The following INO80 variants were observed in gnomAD, a reference collection of about 807,000 sequenced individuals.
The protein encoded by INO80 is chromatin-remodeling ATPase INO80.
INO80 carries 20 observed loss-of-function variants against 203.4 expected under a neutral mutation model. The ratio of observed to expected loss-of-function variants is 0.10; its 90% CI spans 0.07 to 0.14. The LOEUF is 0.14. INO80 is among the 10% of genes least tolerant of loss of function. INO80 has a pLI of 1.00. For synonymous variants in INO80, 726 were observed against 685.2 expected (o/e 1.06, Z -0.93); for missense variants, 1,419 against 1,914.4 (o/e 0.74, Z 4.83).
At chr15:41,018,851 TAA>T (rs1471080114) in intron 26 of INO80, 1 of 152,246 alleles carries the variant, frequency 6.6e-6, no homozygotes, top group African/African-American at 2.4e-5. Context: ...CTGATTCTGC[TAA>T]GTCAAACCTG....
chr15:40,985,256 G>T, intron 32 of INO80, 82 bp downstream of exon 32: 1 of 929,504 alleles, frequency 1.1e-6, no homozygotes, highest in Non-Finnish European at 1.8e-6. Context: ...TAACCAAGAT[G>T]AGAAGCCATG....
chr15:40,984,508 G>A (rs1006395356), intron 32 of INO80, among the ~76,000 whole-genome samples, 156 bp from the exon 33 acceptor site: 1 of 152,142 alleles, frequency 6.6e-6, no homozygotes, highest in Non-Finnish European at 1.5e-5. Context: ...TAAGGAAGAA[G>A]GGATAGCTTA....
rs1016110427 is a variant in INO80 at position 41,088,094 on chromosome 15, T to C, written c.538-412A>G. Among the ~76,000 whole-genome samples, 296 of 145,122 alleles carry C rather than the reference T, an allele frequency of 2.0e-3. 1 individual carries two copies. Among genetic ancestry groups the C allele is most frequent in the African/African-American group, 6.9e-3 (267 of 38,946 alleles). ...TTCCTCATGCTTGCTTTTCTTTTTT[T>C]TTTTTTTTTTTTTTTGAGACAGAGT... On this transcript the variant is annotated intron_variant, in intron 5 of 35. Coordinates refer to ENST00000648947, the MANE Select transcript of INO80 (RefSeq NM_017553.3).
intron 29 of INO80, among the ~76,000 whole-genome samples, chr15:40,994,863 A>C (rs2043861316): frequency 6.6e-6 from 1 of 152,144 alleles, no homozygotes; most frequent in Non-Finnish European, 1.5e-5. Context: ...TGAATGAACA[A>C]ATGAACAAAC....
chr15:40,999,399 G>C (rs1423003122), intron 28 of INO80: 1 of 152,170 alleles, frequency 6.6e-6, no homozygotes, highest in Non-Finnish European at 1.5e-5. Context: ...AAGTATCGGT[G>C]AAAGAACTAT....
At chr15:41,052,472 A>G (rs1261993609) in intron 19 of INO80, among the ~76,000 whole-genome samples, 1 of 151,902 alleles carries the variant, frequency 6.6e-6, no homozygotes. Flanking sequence ...CAGGAGTTCA[A>G]GACTAGTCTG....
At chr15:41,061,277 G>A (rs560901159) in intron 14 of INO80, among the ~76,000 whole-genome samples, 1 of 152,128 alleles carries the variant, frequency 6.6e-6, no homozygotes, top group South Asian at 2.1e-4. Context: ...TCCAGCCTGG[G>A]CAACAGAGCA....
At position 41,044,888 on chromosome 15, in the gene INO80, T is replaced by A. The variant is rs2044727147; in HGVS notation, c.2907+16A>T. The A allele has an allele frequency of 6.3e-7, 1 of 1,582,084 alleles. No homozygotes were observed. The highest frequency in any genetic ancestry group is 1.4e-5 in the African/African-American group (1 of 72,926). ...AAGATACTAAGTAGGTAATTTATGCTCAAATAATTGCTTACCTTTAACAAA... is the reference window on the plus strand; with the variant it reads ...AAGATACTAAGTAGGTAATTTATGCACAAATAATTGCTTACCTTTAACAAA... On this transcript the variant is annotated intron_variant, in intron 24 of 35. Transcript: ENST00000648947.
At chr15:41,028,745 A>G (rs1371705253) in intron 24 of INO80, among the ~76,000 whole-genome samples, 1 of 152,132 alleles carries the variant, frequency 6.6e-6, no homozygotes, top group Non-Finnish European at 1.5e-5. Flanking sequence ...AATCCCAGCT[A>G]CTCAGGAGGC....
At chr15:41,095,209 C>T (rs1466396624) in intron 4 of INO80, among the ~76,000 whole-genome samples, 2 of 152,070 alleles carry the variant, frequency 1.3e-5, no homozygotes, top group Non-Finnish European at 2.9e-5. Flanking sequence ...GGCGTGGTGG[C>T]GCATGCCTGT....
chr15:41,082,348 G>A (rs936581534), intron 7 of INO80, among the ~76,000 whole-genome samples: 5 of 151,698 alleles, frequency 3.3e-5, no homozygotes, highest in African/African-American at 4.8e-5. Flanking sequence ...AGGATCACTT[G>A]AGTCCAGGAG....
At chr15:41,052,674 CAAAAAAAAAAAAAA>C (rs60685375) in intron 19 of INO80, among the ~76,000 whole-genome samples, 28 of 107,184 alleles carry the variant, frequency 2.6e-4, no homozygotes, top group Admixed American at 4.1e-4. Context: ...CCTTGTCTTA[CAAAAAAAAAAAAAA>C]AAAAAAAAAA....
chr15:40,994,974 G>A (rs538644998), intron 29 of INO80, among the ~76,000 whole-genome samples: 2 of 152,112 alleles, frequency 1.3e-5, no homozygotes, highest in Non-Finnish European at 2.9e-5. Flanking sequence ...TCCTGCCTCA[G>A]CCTCCCGAGT....
chr15:41,055,559 G>A (rs2044967620), intron 17 of INO80, among the ~76,000 whole-genome samples, 195 bp from the exon 18 acceptor site: 1 of 152,196 alleles, frequency 6.6e-6, no homozygotes, highest in African/African-American at 2.4e-5. Context: ...TTTATTAGGT[G>A]CTGTAGCAAA....
At chr15:41,097,101 G>GT (rs1427827850) in intron 1 of INO80, among the ~76,000 whole-genome samples, 6 of 152,076 alleles carry the variant, frequency 3.9e-5, no homozygotes, top group African/African-American at 1.4e-4. Flanking sequence ...GTTTGTTTTT[G>GT]TTTTTTGAGA....
intron 24 of INO80, among the ~76,000 whole-genome samples, chr15:41,043,180 C>T (rs2044698376): frequency 6.6e-6 from 1 of 152,044 alleles, no homozygotes; most frequent in South Asian, 2.1e-4. Flanking sequence ...ATATCTCTAG[C>T]GTTAAGAAAA....
chr15:41,115,874 C>T, intron 1 of INO80, 99 bp downstream of exon 1: 1 of 374,752 alleles, frequency 2.7e-6, no homozygotes, highest in Non-Finnish European at 4.7e-6. Context: ...GGGGCGACGG[C>T]CCCTTTAAGA....
At chr15:41,094,000 C>T (rs1322567071) in intron 4 of INO80, among the ~76,000 whole-genome samples, 2 of 152,184 alleles carry the variant, frequency 1.3e-5, no homozygotes, top group African/African-American at 4.8e-5. Flanking sequence ...GGACCTTTTA[C>T]ACATGAGCCT....
chr15:41,093,532 T>C (rs1402285071), intron 4 of INO80, among the ~76,000 whole-genome samples: 1 of 152,110 alleles, frequency 6.6e-6, no homozygotes, highest in African/African-American at 2.4e-5. Flanking sequence ...TATACAACTT[T>C]GTAAATACAC....
Sources: gnomAD v4.1 joint callset for allele counts (sites outside exome capture counted in the v4.1 genomes callset) on GRCh38, gnomAD v4.1.1 for gene constraint, MANE v1.5 for transcripts, NCBI Gene and HGNC (gene_info 2026-07-23, HGNC 2026-07-21) for gene names.